Variants in SGCD observed in about 807,000 individuals in gnomAD.
SGCD encodes the protein delta-sarcoglycan.
A neutral mutation model predicts 36.6 loss-of-function variants in SGCD; 18 were observed. The observed-to-expected ratio is 0.49, with a 90% CI of 0.34 to 0.73. The LOEUF is 0.73. Ranked by LOEUF, SGCD falls within the 30% of genes least tolerant of loss-of-function variation. SGCD has a pLI of 0.01. For synonymous variants in SGCD, 133 were observed against 130.6 expected (o/e 1.02, Z -0.12); for missense variants, 387 against 346.7 (o/e 1.12, Z -0.92).
At chr5:156,511,146 C>T (rs1319408171) in intron 4 of SGCD, among the ~76,000 whole-genome samples, 1 of 152,134 alleles carries the variant, frequency 6.6e-6, no homozygotes, top group Non-Finnish European at 1.5e-5. Context: ...CACTATTTTC[C>T]ATTGGTTTTA....
intron 1 of SGCD, among the ~76,000 whole-genome samples, chr5:155,888,610 A>C (rs190092681): frequency 6.6e-6 from 1 of 152,288 alleles, no homozygotes; most frequent in East Asian, 1.9e-4. Context: ...TATATGATCG[A>C]ATGGTAATAA....
In SGCD at chr5:155,975,609, C is replaced by CCTTTTTTTTTTTTTTTTTTTTTT. The variant is rs1758096365; in HGVS notation, c.-282+105185_-282+105186insCTTTTTTTTTTTTTTTTTTTTTT. On this transcript the variant is annotated intron_variant, in intron 1 of 9. Transcript: ENST00000517913. ...TGTGTTATTTATTTTTCTTTCTTTC[C>CCTTTTTTTTTTTTTTTTTTTTTT]TTTTTTTTTTTTTTTTTTTTTTTTT... Among the ~76,000 whole-genome samples the CCTTTTTTTTTTTTTTTTTTTTTT allele has an allele frequency of 1.1e-4, 3 of 28,008 alleles. 1 individual carries two copies. Among genetic ancestry groups the CCTTTTTTTTTTTTTTTTTTTTTT allele is most frequent in the Admixed American group, 1.2e-3 (2 of 1,676 alleles). The allele number at this position is 28,008 out of a possible 152,430, so 18.4% of individuals were successfully genotyped here. A position where few individuals can be genotyped will look rare whatever the true frequency, so the allele number is the denominator to read the frequency against.
chr5:156,260,452 C>T (rs935598223), intron 3 of SGCD, among the ~76,000 whole-genome samples: 1 of 152,104 alleles, frequency 6.6e-6, no homozygotes, highest in African/African-American at 2.4e-5. Context: ...AAACTTCTCA[C>T]ATATATTTAT....
the SGCD span, among the ~76,000 whole-genome samples, chr5:155,791,555 G>A: frequency 6.6e-6 from 1 of 152,140 alleles, no homozygotes; most frequent in African/African-American, 2.4e-5. Flanking sequence ...CATGAATTCA[G>A]TAACATTTCA....
At chr5:156,707,538 G>A (rs1253149249) in intron 7 of SGCD, among the ~76,000 whole-genome samples, 1 of 152,042 alleles carries the variant, frequency 6.6e-6, no homozygotes, top group Non-Finnish European at 1.5e-5. Context: ...TCAAATGAAG[G>A]ATACAAGAAA....
At chr5:156,139,600 A>G (rs539786206) in intron 3 of SGCD, among the ~76,000 whole-genome samples, 1 of 152,152 alleles carries the variant, frequency 6.6e-6, no homozygotes, top group Non-Finnish European at 1.5e-5. Flanking sequence ...CCTTTAAAGA[A>G]AGGTATGCAT....
intron 3 of SGCD, among the ~76,000 whole-genome samples, chr5:156,406,018 T>TAAAAAAAAAAAAACAAAAAAAAA (rs1772381664): frequency 9.6e-6 from 1 of 103,984 alleles, no homozygotes; most frequent in East Asian, 3.5e-4. Flanking sequence ...TATCTTTGCT[T>TAAAAAAAAAAAAACAAAAAAAAA]AAAAAAAAAA....
At chr5:156,143,197 C>G (rs1762617392) in intron 3 of SGCD, among the ~76,000 whole-genome samples, 1 of 152,196 alleles carries the variant, frequency 6.6e-6, no homozygotes, top group Non-Finnish European at 1.5e-5. Flanking sequence ...AACTGTAAGC[C>G]TTGGTGGTTT....
chr5:156,219,517 T>C (rs1370818653), intron 3 of SGCD, among the ~76,000 whole-genome samples: 8 of 152,168 alleles, frequency 5.3e-5, no homozygotes, highest in Admixed American at 5.2e-4. Context: ...TTTTTGCACA[T>C]ACTCTGCGTT....
At chr5:156,243,470 G>A (rs917014868) in intron 3 of SGCD, among the ~76,000 whole-genome samples, 5 of 152,122 alleles carry the variant, frequency 3.3e-5, no homozygotes, top group African/African-American at 1.2e-4. Context: ...AAAAAATATG[G>A]AAAAGAAGAA....
At chr5:156,192,206 T>C (rs1259633576) in intron 3 of SGCD, among the ~76,000 whole-genome samples, 1 of 152,170 alleles carries the variant, frequency 6.6e-6, no homozygotes, top group Non-Finnish European at 1.5e-5. Flanking sequence ...AGATACTTAG[T>C]AGATGTCCTG....
At chr5:156,432,720 A>G (rs1172473503) in intron 3 of SGCD, among the ~76,000 whole-genome samples, 3 of 152,170 alleles carry the variant, frequency 2.0e-5, no homozygotes, top group Non-Finnish European at 4.4e-5. Flanking sequence ...ACTGTTGTAC[A>G]GAAGAGTTCA....
At chr5:156,338,096 T>C (rs1768453079) in intron 2 of SGCD, among the ~76,000 whole-genome samples, 1 of 152,198 alleles carries the variant, frequency 6.6e-6, no homozygotes, top group Non-Finnish European at 1.5e-5. Flanking sequence ...CATACAATTT[T>C]ACAGGCCCAA....
At chr5:156,541,951 T>C (rs886299459) in intron 4 of SGCD, among the ~76,000 whole-genome samples, 5 of 152,238 alleles carry the variant, frequency 3.3e-5, no homozygotes, top group African/African-American at 1.2e-4. Flanking sequence ...CTTGGCATTT[T>C]ATTCCTTGAA....
intron 1 of SGCD, among the ~76,000 whole-genome samples, chr5:155,990,482 A>G (rs966374751): frequency 1.3e-5 from 2 of 152,174 alleles, no homozygotes; most frequent in African/African-American, 4.8e-5. Flanking sequence ...GACAGTTGTC[A>G]TGTTTCAGGG....
chr5:156,514,517 A>G (rs1184310222), intron 4 of SGCD, among the ~76,000 whole-genome samples: 1 of 152,236 alleles, frequency 6.6e-6, no homozygotes, highest in Non-Finnish European at 1.5e-5. Flanking sequence ...CATTAGGAGA[A>G]TAAAGTGGAA....
the SGCD span, among the ~76,000 whole-genome samples, chr5:155,834,783 G>A: frequency 4.6e-5 from 7 of 151,522 alleles, no homozygotes; most frequent in Non-Finnish European, 8.8e-5. Context: ...TAAGTGCACT[G>A]TAGCAAAGAG....
intron 3 of SGCD, among the ~76,000 whole-genome samples, chr5:156,263,159 T>A (rs2127666056): frequency 6.6e-6 from 1 of 152,264 alleles, no homozygotes; most frequent in Non-Finnish European, 1.5e-5. Context: ...GTAGTTCTAC[T>A]TTCAATTCTT....
chr5:156,091,287 C>T (rs142356540), intron 1 of SGCD, among the ~76,000 whole-genome samples: 11 of 152,328 alleles, frequency 7.2e-5, no homozygotes, highest in African/African-American at 2.6e-4. Context: ...AATTTATGTT[C>T]TTCTGCCGTG....
Sources: gnomAD v4.1 joint callset for allele counts (sites outside exome capture counted in the v4.1 genomes callset) on GRCh38, gnomAD v4.1.1 for gene constraint, MANE v1.5 for transcripts, NCBI Gene and HGNC (gene_info 2026-07-23, HGNC 2026-07-21) for gene names.